The following PDLIM7 variants were observed in gnomAD, a reference collection of about 807,000 sequenced individuals.
PDLIM7 encodes PDZ and LIM domain protein 7.
Under a neutral mutation model 53.9 loss-of-function variants are expected in PDLIM7, and 37 were observed. That is an observed-to-expected ratio of 0.69 (90% confidence interval 0.53 to 0.90). PDLIM7 has a LOEUF of 0.90. PDLIM7 is among the 40% of genes least tolerant of loss of function. The pLI is 0.00. For missense variants in PDLIM7, 617 were observed against 638.5 expected (o/e 0.97, Z 0.36); for synonymous variants, 300 against 261.3 (o/e 1.15, Z -1.43).
At chr5:177,486,350 C>T (rs118153382) in intron 10 of PDLIM7, among the ~76,000 whole-genome samples, 2 of 152,270 alleles carry the variant, frequency 1.3e-5, no homozygotes, top group South Asian at 2.1e-4. Flanking sequence ...ACACCTGTAC[C>T]CCATCTTACA....
intron 2 of PDLIM7, chr5:177,493,111 T>C (rs938804740): frequency 5.3e-6 from 1 of 188,992 alleles, no homozygotes; most frequent in African/African-American, 2.3e-5. Flanking sequence ...CTACCAGATA[T>C]GCCCTCTGGC....
chr5:177,484,026 G>A (rs751109555), intron 11 of PDLIM7, 44 bp from the exon 12 acceptor site: 4 of 1,613,432 alleles, frequency 2.5e-6, no homozygotes, highest in Non-Finnish European at 3.4e-6. Flanking sequence ...ATTCATGCCT[G>A]CCCCATGCAC....
chr5:177,489,988 A>T, intron 7 of PDLIM7, 156 bp from the exon 8 acceptor site: 1 of 1,535,324 alleles, frequency 6.5e-7, no homozygotes, highest in Non-Finnish European at 8.7e-7. Context: ...TGGGAAGGGC[A>T]GCTTCTCCTA....
chr5:177,492,036 AC>A, intron 4 of PDLIM7, 111 bp from the exon 5 acceptor site: 1 of 110,188 alleles, frequency 9.1e-6, no homozygotes, highest in Non-Finnish European at 1.5e-5. Flanking sequence ...CCCCACCCCC[AC>A]CCCACCCCCT....
In PDLIM7 at chr5:177,490,900, T is replaced by C. The variant is rs1042292414; in HGVS notation, c.542A>G (p.Asp181Gly). Reference protein sequence around the residue: ...AHLTGTEFMQDPDEEHLKKSS... With the variant: ...AHLTGTEFMQGPDEEHLKKSS... Reference sequence around the variant, plus strand: ...TTTCTTCAGGTGCTCCTCATCCGGGTCTTGCACTGAGAGGGCAGAGGCAGG... The same window carrying C: ...TTTCTTCAGGTGCTCCTCATCCGGGCCTTGCACTGAGAGGGCAGAGGCAGG... The change falls in exon 7 of 13, where the codon GAC becomes GGC. Residue 181 changes from aspartate (D) to glycine (G), a missense_variant. Coordinates refer to ENST00000355841, the MANE Select transcript of PDLIM7 (RefSeq NM_005451.5). 2.4e-5 allele frequency: 39 copies of C among 1,613,754 alleles called. No individual in the cohort carries two copies. The highest frequency in any genetic ancestry group is 3.3e-5 in the Non-Finnish European group (39 of 1,179,924).
intron 5 of PDLIM7, 98 bp downstream of exon 5, chr5:177,491,709 G>T: frequency 1.4e-6 from 1 of 735,330 alleles, no homozygotes; most frequent in Non-Finnish European, 2.0e-6. Context: ...CGGTTCCGCC[G>T]GGCTGGGGCG....
Position 177,496,522 on chromosome 5 carries a change from T to C in PDLIM7, c.-10A>G, listed in dbSNP as rs1561707735. ...CTTTGAAGGAATCCATGATGCCGGC[T>C]CCTGAGAGGAGAGAAGAGAAGGTGA... On this transcript the variant is annotated splice_region_variant and 5_prime_UTR_variant, in exon 2 of 13. Transcript: ENST00000355841. The C allele has an allele frequency of 1.3e-6, 2 of 1,576,730 alleles. No individual in the cohort carries two copies. Among genetic ancestry groups the C allele is most frequent in the Non-Finnish European group, 8.6e-7 (1 of 1,161,428 alleles).
chr5:177,491,752 G>C, intron 5 of PDLIM7, 55 bp downstream of exon 5: 1 of 870,188 alleles, frequency 1.1e-6, no homozygotes, highest in East Asian at 3.4e-5. Flanking sequence ...GGCAGCGGGC[G>C]TGGGGCCACA....
At position 177,489,804 on chromosome 5, in the gene PDLIM7, G is replaced by A. The variant is rs781271766; in HGVS notation, c.601C>T (p.Pro201Ser). The A allele has an allele frequency of 6.3e-7, 1 of 1,585,786 alleles. No individual in the cohort carries two copies. The highest frequency in any genetic ancestry group is 8.6e-7 in the Non-Finnish European group (1 of 1,167,848). Residue 201 changes from proline to serine, a missense_variant, in exon 8 of 13, where the codon CCA becomes TCA. Transcript: ENST00000355841. ...SQVPRTEAPA[P>S]ASSTPQEPWP... ...GGCTCCTGGGGTGTAGATGAGGCTG[G>A]GGCTGGGGCTTCTGTCCTGGGCACC... is the stretch of plus-strand genomic sequence containing the variant.
chr5:177,488,591 A>G (rs1432264346), intron 9 of PDLIM7, among the ~76,000 whole-genome samples: 2 of 152,222 alleles, frequency 1.3e-5, no homozygotes, highest in African/African-American at 2.4e-5. Context: ...CTACCTGGCA[A>G]GAGCTGATAG....
At chr5:177,490,316 G>A in intron 7 of PDLIM7, 1 of 1,445,960 alleles carries the variant, frequency 6.9e-7, no homozygotes, top group African/African-American at 1.4e-5. Flanking sequence ...ACAGGGCAAA[G>A]AGGGAAGGCA....
At chr5:177,487,499 A>T (rs993277132) in intron 10 of PDLIM7, among the ~76,000 whole-genome samples, 5 of 152,344 alleles carry the variant, frequency 3.3e-5, no homozygotes, top group African/African-American at 1.2e-4. Flanking sequence ...TTGCACCATG[A>T]GTGGTAAGTA....
chr5:177,485,361 G>A (rs977413832), intron 10 of PDLIM7, among the ~76,000 whole-genome samples: 4 of 152,184 alleles, frequency 2.6e-5, no homozygotes, highest in East Asian at 1.9e-4. Flanking sequence ...GGGGCCAGCC[G>A]GGGCCAGCCA....
chr5:177,494,102 C>G (rs970859559), intron 2 of PDLIM7, among the ~76,000 whole-genome samples: 1 of 152,322 alleles, frequency 6.6e-6, no homozygotes, highest in Non-Finnish European at 1.5e-5. Flanking sequence ...TTATTGAGCA[C>G]CAACTATGCT....
At chr5:177,484,482 G>A (rs890506441) in intron 10 of PDLIM7, 68 of 376,924 alleles carry the variant, frequency 1.8e-4, no homozygotes, top group Non-Finnish European at 3.1e-4. Context: ...CCTGTCTGCT[G>A]CAGCCAAACA....
chr5:177,489,353 G>C (rs370468502), intron 9 of PDLIM7, 40 bp downstream of exon 9: 15 of 1,443,288 alleles, frequency 1.0e-5, no homozygotes, highest in African/African-American at 2.8e-5. Flanking sequence ...CTGGGCTGCA[G>C]GATGGGAAAG....
intron 10 of PDLIM7, among the ~76,000 whole-genome samples, chr5:177,486,469 GT>G (rs1032813031): frequency 6.6e-6 from 1 of 152,092 alleles, no homozygotes; most frequent in African/African-American, 2.4e-5. Flanking sequence ...ACAGAAATAG[GT>G]TTTCTGCCCA....
chr5:177,488,077 C>G lies in PDLIM7; in HGVS notation c.1041G>C (p.Lys347Asn). 6.3e-7 allele frequency: 1 copy of G among 1,597,498 alleles called. No individual in the cohort carries two copies. The change falls in exon 10 of 13, where the codon AAG becomes AAC. Residue 347 changes from lysine to asparagine, a missense_variant. Coordinates refer to ENST00000355841, the MANE Select transcript of PDLIM7 (RefSeq NM_005451.5). ...AGCCAGCCCTACTCACGCCTGTAAT[C>G]TTCTTCTTGCACTTGGCACAGCTGG... ...YAPSCAKCKK[K>N]ITGEIMHALK...
chr5:177,494,381 C>A (rs1438793868), intron 2 of PDLIM7, among the ~76,000 whole-genome samples: 3 of 152,222 alleles, frequency 2.0e-5, no homozygotes, highest in African/African-American at 7.2e-5. Flanking sequence ...AAATCAACCC[C>A]TTATACTGTG....
Sources: allele counts gnomAD v4.1 joint callset (sites outside exome capture counted in the v4.1 genomes callset), GRCh38; gene constraint gnomAD v4.1.1; transcripts MANE v1.5; gene names NCBI Gene and HGNC (gene_info 2026-07-23, HGNC 2026-07-21).